ITSN1: variants seen among roughly 807,000 people sequenced by gnomAD.
ITSN1 encodes the protein intersectin 1.
In ITSN1, 58 loss-of-function variants were observed where a neutral mutation model predicts 239.8. That is an observed-to-expected ratio of 0.24 (90% CI 0.20 to 0.30). ITSN1 has a LOEUF of 0.30. ITSN1 is among the 10% of genes least tolerant of loss of function. ITSN1 has a pLI of 1.00. For missense variants in ITSN1, 1,558 were observed against 2,103.3 expected (o/e 0.74, Z 5.07); for synonymous variants, 780 against 770.8 (o/e 1.01, Z -0.20).
chr21:33,726,393 G>A (rs949905560), intron 4 of ITSN1, among the ~76,000 whole-genome samples: 3 of 152,128 alleles, frequency 2.0e-5, no homozygotes, highest in African/African-American at 4.8e-5. Context: ...GATTTTTCTG[G>A]TAGGGTCCCA....
In ITSN1 at chr21:33,819,953, C is replaced by CAGTCCGG. The variant is rs1172618657; in HGVS notation, c.3016+631_3016+637dup. Among the ~76,000 whole-genome samples the CAGTCCGG allele has an allele frequency of 3.9e-5, 6 of 152,038 alleles. No individual in the cohort carries two copies. In the East Asian group the frequency reaches 5.8e-4, roughly 15 times the overall value. ...GCCGAGATTGCGCCACTGCAGTCCG[C>CAGTCCGG]AGTCCGGCCTGGGCGACAGAGCGAG... is the stretch of plus-strand genomic sequence containing the variant. On this transcript the variant is annotated intron_variant, in intron 24 of 39. Coordinates refer to ENST00000381318, the MANE Select transcript of ITSN1 (RefSeq NM_003024.3).
chr21:33,643,477 C>T (rs2087629469), intron 1 of ITSN1: 1 of 152,054 alleles, frequency 6.6e-6, no homozygotes, highest in African/African-American at 2.4e-5. Context: ...ATCGGCCGCA[C>T]CTTCCTGCGC....
intron 26 of ITSN1, 142 bp from the exon 27 acceptor site, chr21:33,829,482 C>A: frequency 3.6e-6 from 3 of 831,828 alleles, no homozygotes; most frequent in South Asian, 3.4e-5. Context: ...ATTCAGGGAG[C>A]CTTACTCGTT....
At chr21:33,846,881 G>A (rs147831496) in intron 29 of ITSN1, among the ~76,000 whole-genome samples, 20 of 152,296 alleles carry the variant, frequency 1.3e-4, no homozygotes, top group Non-Finnish European at 2.8e-4. Context: ...CCCAAAACAG[G>A]AAGTGAGCTT....
At chr21:33,803,744 T>TA (rs1057343471) in intron 20 of ITSN1, among the ~76,000 whole-genome samples, 2 of 152,168 alleles carry the variant, frequency 1.3e-5, no homozygotes, top group African/African-American at 4.8e-5. Flanking sequence ...TAATTTTTAA[T>TA]AAAACAAAAT....
intron 6 of ITSN1, 22 bp from the exon 7 acceptor site, chr21:33,751,788 T>C (rs376638352): frequency 4.2e-5 from 65 of 1,533,548 alleles, no homozygotes; most frequent in Admixed American, 5.2e-5. Context: ...GAATTAAAAT[T>C]ATTCAACATT....
chr21:33,867,301 G>C lies in ITSN1; in HGVS notation c.4143G>C (p.Arg1381=), dbSNP rs748786637. 6 of 1,608,954 alleles carry C rather than the reference G, an allele frequency of 3.7e-6. No homozygotes were observed. In the Admixed American group the frequency reaches 5.0e-5, roughly 13 times the overall value. ...GTTTTATACTGAAGCCTATGCAACG[G>C]GTAACAAGATACCCACTGATCATTA... ...LSSFILKPMQ[R]VTRYPLIIKN... is the part of the protein sequence containing the mutation. Residue 1381 remains arginine (R), a synonymous_variant, in exon 33 of 40, where the codon CGG becomes CGC. Coordinates refer to ENST00000381318, the MANE Select transcript of ITSN1 (RefSeq NM_003024.3).
Position 33,865,080 on chromosome 21 carries a change from C to T in ITSN1, c.3891-71C>T. ...CCCTCACACACATTCTGTTTCTGTG[C>T]AACCTAAGTGTGCTGTGGTGCTGTC... On this transcript the variant is annotated intron_variant, in intron 31 of 39. Transcript: ENST00000381318. The surrounding 1 kb of genome is among the most constrained non-coding windows in gnomAD (Gnocchi z 4.4). 6.8e-7 allele frequency: 1 copy of T among 1,460,440 alleles called. No homozygotes were observed. Among genetic ancestry groups the T allele is most frequent in the Non-Finnish European group, 9.3e-7 (1 of 1,076,182 alleles). 90.5% of individuals were successfully genotyped at this position (1,460,440 alleles called of 1,614,324 possible). A position where few individuals can be genotyped will look rare whatever the true frequency, so the allele number is the denominator to read the frequency against.
At chr21:33,863,060 G>A (rs1470481056) in intron 31 of ITSN1, among the ~76,000 whole-genome samples, 2 of 152,172 alleles carry the variant, frequency 1.3e-5, no homozygotes. Context: ...AGTACTCTTA[G>A]GGCTGTGGCT....
chr21:33,745,551 T>C (rs2067129606), intron 5 of ITSN1, among the ~76,000 whole-genome samples: 1 of 152,170 alleles, frequency 6.6e-6, no homozygotes. Flanking sequence ...GAAGCAGAAG[T>C]CTGTTGCATT....
chr21:33,734,564 G>A (rs186902204), intron 4 of ITSN1, among the ~76,000 whole-genome samples: 207 of 152,214 alleles, frequency 1.4e-3, no homozygotes, highest in African/African-American at 4.8e-3. Flanking sequence ...GGTTTGTAGA[G>A]CTCTACAAAG....
At chr21:33,662,869 T>C (rs1484928644) in intron 1 of ITSN1, among the ~76,000 whole-genome samples, 2 of 152,230 alleles carry the variant, frequency 1.3e-5, no homozygotes, top group African/African-American at 4.8e-5. Context: ...TTCACAATTT[T>C]GTGAACTAGA....
At chr21:33,883,505 C>T (rs1985274618) in intron 35 of ITSN1, 45 bp from the exon 36 acceptor site, 2 of 1,605,590 alleles carry the variant, frequency 1.2e-6, no homozygotes, top group Non-Finnish European at 1.7e-6. Flanking sequence ...CCGGAGCACA[C>T]AGACCCCCAG....
intron 27 of ITSN1, among the ~76,000 whole-genome samples, chr21:33,830,922 C>T (rs1450336145): frequency 2.0e-5 from 3 of 151,896 alleles, no homozygotes; most frequent in African/African-American, 2.4e-5. Flanking sequence ...AGGGAGAACG[C>T]GCACAAATGA....
rs1161556479 is a variant in ITSN1 at position 33,875,347 on chromosome 21, T to C, written c.4174-7T>C. ...AAGGAGGTGGTTGTTTTTATTCTCCTGTGTAGATCCTGGAAAACACCCCTG... is the reference window on the plus strand; with the variant it reads ...AAGGAGGTGGTTGTTTTTATTCTCCCGTGTAGATCCTGGAAAACACCCCTG... On this transcript the variant is annotated splice_polypyrimidine_tract_variant and splice_region_variant and intron_variant, in intron 33 of 39. Transcript: ENST00000381318. The C allele has an allele frequency of 1.9e-6, 3 of 1,614,122 alleles. No homozygotes were observed. Among genetic ancestry groups the C allele is most frequent in the Non-Finnish European group, 2.5e-6 (3 of 1,179,982 alleles).
chr21:33,813,986 G>A lies in ITSN1; in HGVS notation c.2641G>A (p.Val881Ile), dbSNP rs147036952. 1,043 of 1,614,136 alleles carry A rather than the reference G, an allele frequency of 6.5e-4. 4 individuals are homozygous for A. In the African/African-American group the frequency reaches 0.011, roughly 16 times the overall value. Reference protein sequence around the residue: ...DAWAAQPSLTVPSAGQLRQRS... With the variant: ...DAWAAQPSLTIPSAGQLRQRS... ...ATGGGCAGCCCAGCCCTCTCTCACC[G>A]TTCCAAGTGCCGGCCAGTTAAGGCA... is the stretch of plus-strand genomic sequence containing the variant. Residue 881 changes from valine to isoleucine, a missense_variant, in exon 22 of 40, where the codon GTT (valine) becomes ATT (isoleucine). Val to Ile is a conservative substitution (Grantham distance 29, BLOSUM62 3). Transcript: ENST00000381318.
chr21:33,757,595 T>C (rs998792322), intron 8 of ITSN1, among the ~76,000 whole-genome samples: 2 of 152,182 alleles, frequency 1.3e-5, no homozygotes, highest in Non-Finnish European at 2.9e-5. Context: ...GTATGTTTTA[T>C]ACTAAATTAG....
Position 33,772,313 on chromosome 21 carries a change from A to G in ITSN1, c.1295A>G (p.Glu432Gly). Reference sequence around the variant, plus strand: ...GAGGAGGAGAGGAGGAAAGAAATTGAGAGGCGAGAGGTAAGCAGGCGAGAG... The same window carrying G: ...GAGGAGGAGAGGAGGAAAGAAATTGGGAGGCGAGAGGTAAGCAGGCGAGAG... ...QREEERRKEI[E>G]RREAAKRELE... Residue 432 changes from glutamate (E) to glycine (G), a missense_variant, in exon 12 of 40, where the codon GAG (glutamate) becomes GGG (glycine). Coordinates refer to ENST00000381318, the MANE Select transcript of ITSN1 (RefSeq NM_003024.3). 1 of 1,553,274 alleles carries G rather than the reference A, an allele frequency of 6.4e-7. No individual in the cohort carries two copies. The highest frequency in any genetic ancestry group is 8.7e-7 in the Non-Finnish European group (1 of 1,147,892).
At chr21:33,809,114 A>G (rs1323590559) in intron 20 of ITSN1, among the ~76,000 whole-genome samples, 1 of 152,266 alleles carries the variant, frequency 6.6e-6, no homozygotes, top group African/African-American at 2.4e-5. Context: ...TCATCTAGAG[A>G]AACAGTTGGG....
Sources: gnomAD v4.1 joint callset for allele counts (sites outside exome capture counted in the v4.1 genomes callset) on GRCh38, gnomAD v4.1.1 for gene constraint, Gnocchi (gnomAD v3.1) non-coding constraint, MANE v1.5 for transcripts, NCBI Gene and HGNC (gene_info 2026-07-23, HGNC 2026-07-21) for gene names.